The following ST13 variants were observed in gnomAD, a reference collection of about 807,000 sequenced individuals.
ST13 encodes the protein hsc70-interacting protein.
ST13 carries 23 observed loss-of-function variants against 56.7 expected under a neutral mutation model. The observed-to-expected ratio is 0.41, with a 90% confidence interval of 0.29 to 0.57. The LOEUF is 0.57. Ranked by LOEUF, ST13 falls within the 20% of genes least tolerant of loss-of-function variation. The pLI is 0.36. For missense variants in ST13, 369 were observed against 459.9 expected, an observed-to-expected ratio of 0.80 and a Z score of 1.81; for synonymous variants, 132 against 142.4, an observed-to-expected ratio of 0.93 and a Z score of 0.52.
chr22:40,846,295 C>T (rs188353726), intron 3 of ST13, among the ~76,000 whole-genome samples: 10 of 152,276 alleles, frequency 6.6e-5, no homozygotes, highest in Non-Finnish European at 1.2e-4. Flanking sequence ...TGAAATGATT[C>T]TCACCCATCA....
At position 40,856,398 on chromosome 22, in the gene ST13, C is replaced by T. The variant is rs918819046; in HGVS notation, c.110+33G>A. 1.1e-5 allele frequency: 17 copies of T among 1,572,446 alleles called. No homozygotes were observed. In the African/African-American group the frequency reaches 1.9e-4, roughly 17 times the overall value. ...GCTCCCCCCTGGGGCCGTGCTTCCC[C>T]CGCCCCCAACGGTCCTCAGGCCTGG... On this transcript the variant is annotated intron_variant, in intron 1 of 11. Transcript: ENST00000216218.
chr22:40,830,775 G>A (rs919015003), intron 9 of ST13, 65 bp downstream of exon 9: 3 of 938,656 alleles, frequency 3.2e-6, no homozygotes, highest in African/African-American at 3.3e-5. Context: ...TAAAATTTTA[G>A]TGTCCTAATG....
rs1176944665 is a variant in ST13, at chr22:40,844,843, G to A, written c.311C>T (p.Ala104Val). 11 of 1,612,422 alleles carry A rather than the reference G, an allele frequency of 6.8e-6. No individual in the cohort carries two copies. The highest frequency in any genetic ancestry group is 1.3e-5 in the African/African-American group (1 of 74,808). Residue 104 changes from alanine (A) to valine (V), a missense_variant, in exon 4 of 12, where the codon GCG becomes GTG. Ala to Val is a moderately conservative substitution (Grantham distance 64, BLOSUM62 0). Coordinates refer to ENST00000216218, the MANE Select transcript of ST13 (RefSeq NM_003932.5). Reference sequence around the variant, plus strand: ...AAATCAAGTCACCGAACTTACCTCCGCATTTTCATCTCCCATTTCTTGAGG... The same window carrying A: ...AAATCAAGTCACCGAACTTACCTCCACATTTTCATCTCCCATTTCTTGAGG... Reference protein sequence around the residue: ...DAPQEMGDENAEITEEMMDQA... With the variant: ...DAPQEMGDENVEITEEMMDQA...
chr22:40,827,314 A>T, intron 10 of ST13, 85 bp from the exon 11 acceptor site: 1 of 1,421,412 alleles, frequency 7.0e-7, no homozygotes, highest in Non-Finnish European at 9.8e-7. Flanking sequence ...AGGTTCAAAG[A>T]ATATGGGTGC....
intron 3 of ST13, among the ~76,000 whole-genome samples, chr22:40,845,329 ACATT>A (rs1165107907): frequency 2.0e-5 from 3 of 152,190 alleles, no homozygotes; most frequent in Non-Finnish European, 2.9e-5. Flanking sequence ...TAATATAATT[ACATT>A]CATTACTTTC....
intron 9 of ST13, among the ~76,000 whole-genome samples, chr22:40,830,287 G>A (rs1367844283): frequency 1.3e-5 from 2 of 152,094 alleles, no homozygotes; most frequent in East Asian, 1.9e-4. Flanking sequence ...ATATAATACA[G>A]CCTTAGGTTC....
chr22:40,851,457 T>C (rs1257967039), intron 1 of ST13, among the ~76,000 whole-genome samples: 2 of 152,170 alleles, frequency 1.3e-5, no homozygotes, highest in African/African-American at 4.8e-5. Flanking sequence ...CTCCTGACCC[T>C]ACAAACTCTT....
intron 1 of ST13, among the ~76,000 whole-genome samples, 189 bp from the exon 2 acceptor site, chr22:40,851,069 T>C (rs543951668): frequency 3.3e-5 from 5 of 152,210 alleles, no homozygotes; most frequent in Non-Finnish European, 7.3e-5. Flanking sequence ...TAAAATTTAT[T>C]TTAAGGCTAC....
At chr22:40,834,813 G>A (rs2057769939) in intron 7 of ST13, among the ~76,000 whole-genome samples, 1 of 152,190 alleles carries the variant, frequency 6.6e-6, no homozygotes, top group African/African-American at 2.4e-5. Context: ...TGCTGACACA[G>A]CATTAATAAA....
At position 40,835,416 on chromosome 22, in the gene ST13, G is replaced by A; in HGVS notation, c.578+144C>T. 9 of 625,044 alleles carry A rather than the reference G, an allele frequency of 1.4e-5. No homozygotes were observed. In the South Asian group the frequency reaches 2.1e-4, roughly 15 times the overall value. The allele number at this position is 625,044 out of a possible 1,614,324, so 38.7% of individuals were successfully genotyped here. On this transcript the variant is annotated intron_variant, in intron 7 of 11. Coordinates refer to ENST00000216218, the MANE Select transcript of ST13 (RefSeq NM_003932.5). ...TTACCTTTTAAGCAGCTGTCTACAAGCTATCTCACTTCTTGATACTAAGTA... is the reference window on the plus strand; with the variant it reads ...TTACCTTTTAAGCAGCTGTCTACAAACTATCTCACTTCTTGATACTAAGTA...
At position 40,829,643 on chromosome 22, in the gene ST13, T is replaced by C. The variant is rs1055115668; in HGVS notation, c.830A>G (p.Gln277Arg). ...EEEARRQSGAQYGSFPGGFPG... is the reference protein window; with the variant it reads ...EEEARRQSGARYGSFPGGFPG... ...AAATATACCTGGAAAAGAGCCATAC[T>C]GAGCTCCTGACTGTCGTCTGGCTTC... The change falls in exon 10 of 12, where the codon CAG (glutamine) becomes CGG (arginine). Residue 277 changes from glutamine (Q) to arginine (R), a missense_variant. By Grantham distance (43) the Gln-to-Arg change is conservative. This residue lies in a region of ST13 where 136 missense variants were observed against 159.2 expected (regional missense o/e 0.85). Transcript: ENST00000216218. The C allele has an allele frequency of 6.7e-7, 1 of 1,486,052 alleles. No homozygotes were observed. Among genetic ancestry groups the C allele is most frequent in the South Asian group, 1.5e-5 (1 of 67,624 alleles). The allele number at this position is 1,486,052 out of a possible 1,614,324, so 92.1% of individuals were successfully genotyped here.
At chr22:40,835,538 A>G (rs761549634) in intron 7 of ST13, 22 bp downstream of exon 7, 43 of 1,576,968 alleles carry the variant, frequency 2.7e-5, no homozygotes, top group Non-Finnish European at 3.6e-5. Flanking sequence ...AGTTCTGAAA[A>G]TAATTAAATT....
intron 4 of ST13, among the ~76,000 whole-genome samples, chr22:40,842,067 A>G (rs1783697967): frequency 6.6e-6 from 1 of 152,180 alleles, no homozygotes. Flanking sequence ...TTGAGTAGTG[A>G]GATTAAAAGA....
intron 3 of ST13, among the ~76,000 whole-genome samples, chr22:40,848,064 CA>C (rs570104512): frequency 1.4e-3 from 208 of 150,094 alleles, no homozygotes; most frequent in African/African-American, 4.7e-3. Flanking sequence ...AACAAAAAAA[CA>C]AAAAAAAATA....
chr22:40,832,456 C>T, intron 8 of ST13, 113 bp downstream of exon 8: 1 of 745,522 alleles, frequency 1.3e-6, no homozygotes, highest in East Asian at 2.7e-5. Flanking sequence ...ATTATATCTT[C>T]CAATGGTTTG....
At position 40,826,040 on chromosome 22, in the gene ST13, A is replaced by C. The variant is rs2057726315; in HGVS notation, c.*498T>G. The C allele has an allele frequency of 6.5e-6, 1 of 152,808 alleles. No individual in the cohort carries two copies. Among genetic ancestry groups the C allele is most frequent in the Non-Finnish European group, 1.5e-5 (1 of 68,150 alleles). The allele number at this position is 152,808 out of a possible 1,614,324, so 9.5% of individuals were successfully genotyped here. ...GTCCCAATTAGTTTTATTGAAATAAATCTTTAAAGAAAAAGATAAAGCATT... is the reference window on the plus strand; with the variant it reads ...GTCCCAATTAGTTTTATTGAAATAACTCTTTAAAGAAAAAGATAAAGCATT... On this transcript the variant is annotated 3_prime_UTR_variant, in exon 12 of 12. Coordinates refer to ENST00000216218, the MANE Select transcript of ST13 (RefSeq NM_003932.5).
intron 10 of ST13, among the ~76,000 whole-genome samples, chr22:40,829,179 A>G (rs547892468): frequency 4.4e-4 from 67 of 152,246 alleles, no homozygotes; most frequent in Non-Finnish European, 9.0e-4. Flanking sequence ...ACATATAAGC[A>G]TACGTAGCCT....
intron 4 of ST13, among the ~76,000 whole-genome samples, 162 bp downstream of exon 4, chr22:40,844,677 T>G (rs1428786870): frequency 6.6e-6 from 1 of 152,242 alleles, no homozygotes; most frequent in African/African-American, 2.4e-5. Context: ...TTATTTTCAT[T>G]AGTATTTTAA....
Position 40,856,606 on chromosome 22 carries a change from G to A in ST13, c.-66C>T. On this transcript the variant is annotated 5_prime_UTR_variant, in exon 1 of 12. Coordinates refer to ENST00000216218, the MANE Select transcript of ST13 (RefSeq NM_003932.5). Reference sequence around the variant, plus strand: ...GGTTCCAGGCCCAGGCGCTGGCTCGGCGTGACCGCGCAGAAGGGGGCGGCT... The same window carrying A: ...GGTTCCAGGCCCAGGCGCTGGCTCGACGTGACCGCGCAGAAGGGGGCGGCT... The A allele has an allele frequency of 7.5e-7, 1 of 1,335,100 alleles. No individual in the cohort carries two copies. Among genetic ancestry groups the A allele is most frequent in the East Asian group, 2.3e-5 (1 of 43,502 alleles). 82.7% of individuals were successfully genotyped at this position (1,335,100 alleles called of 1,614,324 possible).
Sources: allele counts gnomAD v4.1 joint callset (sites outside exome capture counted in the v4.1 genomes callset), GRCh38; gene constraint gnomAD v4.1.1; regional missense constraint gnomAD v4.1.1; transcripts MANE v1.5; gene names NCBI Gene and HGNC (gene_info 2026-07-23, HGNC 2026-07-21).